CSMD1: variants seen among roughly 807,000 people sequenced by gnomAD.
The protein encoded by CSMD1 is CUB and sushi domain-containing protein 1.
CSMD1 carries 213 observed loss-of-function variants against 417.5 expected under a neutral mutation model. The observed-to-expected ratio is 0.51, with a 90% confidence interval of 0.46 to 0.57. CSMD1 has a LOEUF of 0.57. Ranked by LOEUF, CSMD1 falls within the 20% of genes least tolerant of loss-of-function variation. CSMD1 has a pLI of 0.00. For synonymous variants in CSMD1, 2,862 were observed against 1,736.8 expected, an observed-to-expected ratio of 1.65 and a Z score of -16.11; for missense variants, 6,923 against 4,529.7, an observed-to-expected ratio of 1.53 and a Z score of -15.17.
At chr8:3,403,748 G>A (rs926739223) in intron 15 of CSMD1, among the ~76,000 whole-genome samples, 2 of 152,096 alleles carry the variant, frequency 1.3e-5, no homozygotes, top group South Asian at 2.1e-4. Context: ...GCTAGAATAC[G>A]ATTTGCACCT....
At chr8:4,146,555 AAGCTCCATTATTATCT>A (rs1435453665) in intron 3 of CSMD1, among the ~76,000 whole-genome samples, 1 of 141,926 alleles carries the variant, frequency 7.0e-6, no homozygotes, top group Non-Finnish European at 1.5e-5. Flanking sequence ...CCAGGGAAGG[AAGCTCCATTATTATCT>A]GTCTAAATGT....
intron 7 of CSMD1, among the ~76,000 whole-genome samples, chr8:3,706,855 A>G (rs1184805663): frequency 2.0e-5 from 3 of 152,158 alleles, no homozygotes. Flanking sequence ...TTTTATTTTT[A>G]AAAAACCCTT....
intron 4 of CSMD1, among the ~76,000 whole-genome samples, chr8:4,004,708 T>C (rs890898098): frequency 2.0e-5 from 3 of 152,142 alleles, no homozygotes; most frequent in Non-Finnish European, 2.9e-5. Flanking sequence ...AAAGTTGACC[T>C]GGATGAGATT....
intron 3 of CSMD1, among the ~76,000 whole-genome samples, chr8:4,079,812 A>G (rs564207493): frequency 1.6e-4 from 25 of 152,244 alleles, no homozygotes; most frequent in Middle Eastern, 3.4e-3. Flanking sequence ...AGGGAGTGAC[A>G]TCACGAGAGA....
intron 5 of CSMD1, among the ~76,000 whole-genome samples, chr8:3,789,139 G>C (rs974157585): frequency 4.6e-5 from 7 of 152,086 alleles, no homozygotes; most frequent in African/African-American, 1.2e-4. Flanking sequence ...CTTTGTTTTA[G>C]AGCAATGCCC....
At chr8:3,759,766 G>A (rs1444863210) in intron 5 of CSMD1, among the ~76,000 whole-genome samples, 1 of 149,240 alleles carries the variant, frequency 6.7e-6, no homozygotes, top group Non-Finnish European at 1.5e-5. Context: ...AAATTAGCCA[G>A]ACATGGTGGC....
chr8:3,770,266 G>A (rs545283735), intron 5 of CSMD1, among the ~76,000 whole-genome samples: 3 of 152,284 alleles, frequency 2.0e-5, no homozygotes, highest in African/African-American at 7.2e-5. Flanking sequence ...AGTGTCTCAT[G>A]CCTGTAATCC....
chr8:4,269,177 CCT>C (rs988886900), intron 3 of CSMD1, among the ~76,000 whole-genome samples: 5 of 152,078 alleles, frequency 3.3e-5, no homozygotes, highest in African/African-American at 1.2e-4. Flanking sequence ...CTGCCTCAGC[CCT>C]CCTAGTAGCT....
intron 3 of CSMD1, among the ~76,000 whole-genome samples, chr8:4,160,883 A>G (rs555614841): frequency 4.4e-4 from 67 of 152,340 alleles, no homozygotes; most frequent in Non-Finnish European, 7.6e-4. Context: ...AAAAGGACAT[A>G]CTGCTGTTGT....
At chr8:4,640,534 T>C (rs1410744588) in intron 1 of CSMD1, among the ~76,000 whole-genome samples, 1 of 152,190 alleles carries the variant, frequency 6.6e-6, no homozygotes, top group Non-Finnish European at 1.5e-5. Flanking sequence ...TATACTCTAA[T>C]GGGCCCTTGC....
chr8:4,781,034 T>C (rs912965175), intron 1 of CSMD1, among the ~76,000 whole-genome samples: 4 of 152,208 alleles, frequency 2.6e-5, no homozygotes, highest in African/African-American at 4.8e-5. Flanking sequence ...GCAAATAGCT[T>C]TTCCTGCTTC....
chr8:3,542,757 G>C (rs868286836), intron 10 of CSMD1, among the ~76,000 whole-genome samples: 26 of 152,324 alleles, frequency 1.7e-4, no homozygotes, highest in African/African-American at 5.3e-4. Flanking sequence ...GAATGGAACA[G>C]CTTGGACTCT....
intron 3 of CSMD1, among the ~76,000 whole-genome samples, chr8:4,372,343 G>A (rs1584973145): frequency 1.3e-5 from 2 of 152,212 alleles, no homozygotes; most frequent in South Asian, 4.1e-4. Flanking sequence ...AGTGAAGGAG[G>A]AACGCTTAGT....
At chr8:4,323,780 C>T (rs1799403219) in intron 3 of CSMD1, among the ~76,000 whole-genome samples, 1 of 152,140 alleles carries the variant, frequency 6.6e-6, no homozygotes, top group Non-Finnish European at 1.5e-5. Flanking sequence ...CCAGACCTGC[C>T]TATCTTGACT....
intron 18 of CSMD1, among the ~76,000 whole-genome samples, chr8:3,385,129 A>G (rs1810925360): frequency 1.0e-5 from 1 of 99,388 alleles, no homozygotes; most frequent in Admixed American, 1.2e-4. Flanking sequence ...TAATATATAA[A>G]TATATAATAC....
chr8:4,293,334 G>C (rs182142536), intron 3 of CSMD1, among the ~76,000 whole-genome samples: 2 of 152,298 alleles, frequency 1.3e-5, no homozygotes, highest in African/African-American at 4.8e-5. Context: ...GAAATTACTT[G>C]TGCAAATATT....
intron 2 of CSMD1, among the ~76,000 whole-genome samples, chr8:4,556,166 T>C (rs946650478): frequency 3.9e-5 from 6 of 152,222 alleles, no homozygotes; most frequent in Non-Finnish European, 7.3e-5. Context: ...CCAATTTTTG[T>C]ATTAATTCTT....
At chr8:4,094,501 C>G (rs1760984085) in intron 3 of CSMD1, among the ~76,000 whole-genome samples, 1 of 152,120 alleles carries the variant, frequency 6.6e-6, no homozygotes, top group African/African-American at 2.4e-5. Flanking sequence ...AGCAACCACG[C>G]AGGGTGGAGG....
chr8:3,447,552 A>T (rs1354888928), intron 12 of CSMD1, among the ~76,000 whole-genome samples: 1 of 152,190 alleles, frequency 6.6e-6, no homozygotes, highest in Non-Finnish European at 1.5e-5. Flanking sequence ...ACCCGGAACC[A>T]CTGTTCACAG....
Sources: allele counts gnomAD v4.1 joint callset (sites outside exome capture counted in the v4.1 genomes callset), GRCh38; gene constraint gnomAD v4.1.1; transcripts MANE v1.5; gene names NCBI Gene and HGNC (gene_info 2026-07-23, HGNC 2026-07-21).